CNNM2: variants seen among roughly 807,000 people sequenced by gnomAD.
CNNM2 encodes the protein metal transporter CNNM2.
In CNNM2, 12 loss-of-function variants were observed where a neutral mutation model predicts 66.9. The observed-to-expected ratio is 0.18, with a 90% CI of 0.11 to 0.29. The LOEUF (loss-of-function observed/expected upper bound fraction) is 0.29, where lower values mean the gene tolerates loss of function less well. CNNM2 is among the 10% of genes least tolerant of loss of function. The pLI is 1.00. For missense variants in CNNM2, 705 were observed against 1,167.7 expected (o/e 0.60, Z 5.77); for synonymous variants, 557 against 501.8 (o/e 1.11, Z -1.47).
At position 103,071,454 on chromosome 10, in the gene CNNM2, G is replaced by A. The variant is rs147748175; in HGVS notation, c.2168-320G>A. Among the ~76,000 whole-genome samples the A allele has an allele frequency of 5.0e-3, 764 of 152,242 alleles. 4 individuals carry two copies. The highest frequency in any genetic ancestry group is 6.1e-3 in the Non-Finnish European group (413 of 68,020). ...TTGACTAATCGAGCTCCCCTTTTGC[G>A]CAGCTACTGGTGATTTAAGCCCTTA... On this transcript the variant is annotated intron_variant, in intron 5 of 7. Coordinates refer to ENST00000369878, the MANE Select transcript of CNNM2 (RefSeq NM_017649.5).
At position 102,923,096 on chromosome 10, in the gene CNNM2, A is replaced by G. The variant is rs150869067; in HGVS notation, c.1621+2995A>G. On this transcript the variant is annotated intron_variant, in intron 1 of 7. Coordinates refer to ENST00000369878, the MANE Select transcript of CNNM2 (RefSeq NM_017649.5). The stretch of plus-strand genomic sequence containing the variant: ...GAATGTGGGAAGAAAAGCCACCTTT[A>G]TATTAGTATATGTGAATGTCTTCTT... Among the ~76,000 whole-genome samples, 587 of 152,226 alleles carry G rather than the reference A, an allele frequency of 3.9e-3. 1 individual carries two copies. The highest frequency in any genetic ancestry group is 6.5e-3 in the Non-Finnish European group (445 of 68,010).
intron 5 of CNNM2, among the ~76,000 whole-genome samples, chr10:103,070,781 T>G (rs975198458): frequency 6.6e-6 from 1 of 152,050 alleles, no homozygotes; most frequent in Admixed American, 6.6e-5. Flanking sequence ...AATACAAAAA[T>G]TAGCCAGGCA....
Position 102,980,639 on chromosome 10 carries a change from C to T in CNNM2, c.1621+60538C>T, listed in dbSNP as rs191234458. 2.7e-4 allele frequency among the ~76,000 whole-genome samples: 41 copies of T among 152,210 alleles called. No individual in the cohort carries two copies. The East Asian group carries it at 7.2e-3, about 27-fold the overall frequency. ...CTTTCCTTTTCTGTATTTCCCCTCTCCCCACACCACACATTCATACTTTTC... is the reference window on the plus strand; with the variant it reads ...CTTTCCTTTTCTGTATTTCCCCTCTTCCCACACCACACATTCATACTTTTC... On this transcript the variant is annotated intron_variant, in intron 1 of 7. Coordinates refer to ENST00000369878, the MANE Select transcript of CNNM2 (RefSeq NM_017649.5).
rs537259520 is a variant in CNNM2 at position 103,089,678 on chromosome 10, TTCC to T, written c.*12513_*12515del. 2.3e-4 allele frequency: 348 copies of T among 1,539,214 alleles called. 1 individual carries two copies. Among genetic ancestry groups the T allele is most frequent in the African/African-American group, 5.6e-4 (41 of 73,162 alleles). ...GGGGTTTTGGTTTTCCTCCTTATTC[TTCC>T]TCCTCCTCCTCCTCTTCATCATCAT... is the stretch of plus-strand genomic sequence containing the variant. On this transcript the variant is annotated 3_prime_UTR_variant, in exon 8 of 8. Coordinates refer to ENST00000369878, the MANE Select transcript of CNNM2 (RefSeq NM_017649.5).
At chr10:102,922,299 A>C (rs1845672469) in intron 1 of CNNM2, among the ~76,000 whole-genome samples, 1 of 151,292 alleles carries the variant, frequency 6.6e-6, no homozygotes, top group African/African-American at 2.4e-5. Context: ...CTATGGGAAT[A>C]ATTGATTTTT....
chr10:103,089,486 C>T lies in CNNM2; in HGVS notation c.*12306C>T, dbSNP rs916508473. On this transcript the variant is annotated 3_prime_UTR_variant, in exon 8 of 8. Transcript: ENST00000369878. ...CTCCATTACAATTTTGGACCATCTG[C>T]AGAGAGTACAGATACACAAAACCAA... 4 of 1,048,136 alleles carry T rather than the reference C, an allele frequency of 3.8e-6. No homozygotes were observed. The highest frequency in any genetic ancestry group is 3.5e-5 in the Admixed American group (1 of 28,198). The allele number at this position is 1,048,136 out of a possible 1,614,324, so 64.9% of individuals were successfully genotyped here.
intron 1 of CNNM2, among the ~76,000 whole-genome samples, chr10:103,019,767 C>T (rs2134283708): frequency 6.6e-6 from 1 of 152,204 alleles, no homozygotes; most frequent in South Asian, 2.1e-4. Context: ...ATACACTGTT[C>T]TATAGCCATA....
At chr10:103,074,922 C>T (rs1382867660) in intron 6 of CNNM2, among the ~76,000 whole-genome samples, 3 of 152,132 alleles carry the variant, frequency 2.0e-5, no homozygotes, top group East Asian at 1.9e-4. Flanking sequence ...TGTTTTAAGA[C>T]GGTGATGGGG....
intron 1 of CNNM2, among the ~76,000 whole-genome samples, chr10:102,950,980 T>C (rs1417514521): frequency 7.3e-6 from 1 of 137,912 alleles, no homozygotes; most frequent in Non-Finnish European, 1.6e-5. Flanking sequence ...TCTTTCTTTC[T>C]CTTTTTTTTT....
chr10:102,947,913 C>T (rs866404905), intron 1 of CNNM2, among the ~76,000 whole-genome samples: 1 of 151,952 alleles, frequency 6.6e-6, no homozygotes, highest in Admixed American at 6.6e-5. Flanking sequence ...ATTAGCCGGG[C>T]GTGGTGGCAG....
chr10:102,996,744 C>T (rs2064011981), intron 1 of CNNM2, among the ~76,000 whole-genome samples: 1 of 152,182 alleles, frequency 6.6e-6, no homozygotes, highest in African/African-American at 2.4e-5. Flanking sequence ...AATTTATTTG[C>T]ATTATCATAA....
At chr10:102,980,912 A>G (rs895970350) in intron 1 of CNNM2, among the ~76,000 whole-genome samples, 1 of 152,102 alleles carries the variant, frequency 6.6e-6, no homozygotes, top group Non-Finnish European at 1.5e-5. Flanking sequence ...GCTTATCCAC[A>G]TACACTTTGC....
At chr10:102,968,815 G>A (rs529147214) in intron 1 of CNNM2, among the ~76,000 whole-genome samples, 1 of 151,392 alleles carries the variant, frequency 6.6e-6, no homozygotes, top group South Asian at 2.1e-4. Context: ...TGCCTAGTCT[G>A]GTCTCAAACT....
chr10:103,016,413 C>T (rs974506123), intron 1 of CNNM2, among the ~76,000 whole-genome samples: 3 of 152,076 alleles, frequency 2.0e-5, no homozygotes, highest in Admixed American at 6.6e-5. Flanking sequence ...TTAAGTCCTA[C>T]TATGTGGCAG....
intron 1 of CNNM2, among the ~76,000 whole-genome samples, chr10:102,983,883 A>C (rs975706033): frequency 2.6e-5 from 4 of 151,924 alleles, no homozygotes. Flanking sequence ...CTCCTGCCTC[A>C]GCCTCCTGAG....
chr10:102,985,569 A>G (rs2063783989), intron 1 of CNNM2, among the ~76,000 whole-genome samples: 1 of 152,156 alleles, frequency 6.6e-6, no homozygotes, highest in South Asian at 2.1e-4. Context: ...CTTCCTTGAC[A>G]TCCTACTGGC....
At chr10:103,071,884 C>A in intron 6 of CNNM2, 45 bp downstream of exon 6, 1 of 1,566,526 alleles carries the variant, frequency 6.4e-7, no homozygotes, top group Non-Finnish European at 8.8e-7. Flanking sequence ...GATTGCCTTC[C>A]TTGCCCCCCA....
At chr10:103,046,229 A>G (rs891221780) in intron 1 of CNNM2, among the ~76,000 whole-genome samples, 1 of 152,210 alleles carries the variant, frequency 6.6e-6, no homozygotes, top group African/African-American at 2.4e-5. Flanking sequence ...TTCTGCTAGT[A>G]ATGGCTAATG....
rs11191519 is a variant in CNNM2, at chr10:103,025,161, C to T, written c.1622-24546C>T. On this transcript the variant is annotated intron_variant, in intron 1 of 7. Transcript: ENST00000369878. ...GGCTGGAGTGCAGTGGCGTGATCTC[C>T]GCTCGCGGCAACCTCCAACTCCCTG... Among the ~76,000 whole-genome samples, 14,453 of 152,090 alleles carry T rather than the reference C, an allele frequency of 0.095. 894 individuals carry two copies. Among genetic ancestry groups the T allele is most frequent in the East Asian group, 0.28 (1,434 of 5,160 alleles).
Sources: allele counts gnomAD v4.1 joint callset (sites outside exome capture counted in the v4.1 genomes callset), GRCh38; gene constraint gnomAD v4.1.1; transcripts MANE v1.5; gene names NCBI Gene and HGNC (gene_info 2026-07-23, HGNC 2026-07-21).